PCDHGA9: variants seen among roughly 807,000 people sequenced by gnomAD.
PCDHGA9 encodes the protein protocadherin gamma subfamily A, 9.
PCDHGA9 carries 37 observed loss-of-function variants against 62.5 expected under a neutral mutation model. The ratio of observed to expected loss-of-function variants is 0.59; its 90% confidence interval spans 0.46 to 0.78. The LOEUF is 0.78. Ranked by LOEUF, PCDHGA9 falls within the 30% of genes least tolerant of loss-of-function variation. The pLI is 0.00. For missense variants in PCDHGA9, 1,138 were observed against 1,166.2 expected (o/e 0.98, Z 0.35); for synonymous variants, 459 against 484.6 (o/e 0.95, Z 0.69).
chr5:141,421,188 C>T lies in PCDHGA9; in HGVS notation c.2424+15812C>T, dbSNP rs1364019876. 2.0e-6 allele frequency: 3 copies of T among 1,471,410 alleles called. No individual in the cohort carries two copies. The South Asian group carries it at 4.0e-5, about 20-fold the overall frequency. The allele number at this position is 1,471,410 out of a possible 1,614,324, so 91.1% of individuals were successfully genotyped here. A position where few individuals can be genotyped will look rare whatever the true frequency, so the allele number is the denominator to read the frequency against. The stretch of plus-strand genomic sequence containing the variant: ...GATACATAAGCCGATTCACAACCAA[C>T]CAGCTCGAGAAACCGCGGAATATCG... On this transcript the variant is annotated intron_variant, in intron 1 of 3. Coordinates refer to ENST00000573521, the MANE Select transcript of PCDHGA9 (RefSeq NM_018921.3).
chr5:141,431,416 C>G lies in PCDHGA9; in HGVS notation c.2424+26040C>G, dbSNP rs778722151. 3 of 1,613,596 alleles carry G rather than the reference C, an allele frequency of 1.9e-6. No homozygotes were observed. The highest frequency in any genetic ancestry group is 2.7e-5 in the African/African-American group (2 of 74,954). On this transcript the variant is annotated intron_variant, in intron 1 of 3. Coordinates refer to ENST00000573521, the MANE Select transcript of PCDHGA9 (RefSeq NM_018921.3). The surrounding 1 kb of genome is among the most constrained non-coding windows in gnomAD (Gnocchi z 4.8). ...TCCTTACGGCCTCCGACGGGGGCGA[C>G]CCGGTGCGCACAGGCACCGCGCGCA...
At position 141,431,389 on chromosome 5, in the gene PCDHGA9, G is replaced by A; in HGVS notation, c.2424+26013G>A. 2 of 1,613,876 alleles carry A rather than the reference G, an allele frequency of 1.2e-6. No individual in the cohort carries two copies. The highest frequency in any genetic ancestry group is 1.7e-6 in the Non-Finnish European group (2 of 1,180,040). ...GCGAAGAAAAGGCTGCTCACCACCT[G>A]GTCCTTACGGCCTCCGACGGGGGCG... On this transcript the variant is annotated intron_variant, in intron 1 of 3. Coordinates refer to ENST00000573521, the MANE Select transcript of PCDHGA9 (RefSeq NM_018921.3). This position sits in a 1 kb window ranked among gnomAD's most constrained non-coding sequence, Gnocchi z 4.8.
At position 141,420,019 on chromosome 5, in the gene PCDHGA9, C is replaced by T. The variant is rs2096459006; in HGVS notation, c.2424+14643C>T. 13 of 1,614,072 alleles carry T rather than the reference C, an allele frequency of 8.1e-6. No homozygotes were observed. In the East Asian group the frequency reaches 2.7e-4, roughly 33 times the overall value. On this transcript the variant is annotated intron_variant, in intron 1 of 3. Coordinates refer to ENST00000573521, the MANE Select transcript of PCDHGA9 (RefSeq NM_018921.3). ...CTCTACGCCTGCGACAGTCTTTCAGCCCTACTGCAGGAGACTGCTTTGAGT... is the reference window on the plus strand; with the variant it reads ...CTCTACGCCTGCGACAGTCTTTCAGTCCTACTGCAGGAGACTGCTTTGAGT...
At chr5:141,441,782 G>T in intron 1 of PCDHGA9, 1 of 391,086 alleles carries the variant, frequency 2.6e-6, no homozygotes, top group East Asian at 8.8e-5. Context: ...TGGACGACCT[G>T]AATGACAACG....
chr5:141,459,044 A>T (rs2098959649), intron 1 of PCDHGA9, among the ~76,000 whole-genome samples: 1 of 152,204 alleles, frequency 6.6e-6, no homozygotes, highest in Non-Finnish European at 1.5e-5. Flanking sequence ...TACCAGCTAT[A>T]TTGAAGTATA....
chr5:141,444,900 T>C (rs997464788), intron 1 of PCDHGA9, among the ~76,000 whole-genome samples: 1 of 152,182 alleles, frequency 6.6e-6, no homozygotes, highest in Non-Finnish European at 1.5e-5. Context: ...TGGGATGGCA[T>C]TGCATCTATA....
In PCDHGA9 at chr5:141,423,562, A is replaced by G. The variant is rs374427537; in HGVS notation, c.2424+18186A>G. On this transcript the variant is annotated intron_variant, in intron 1 of 3. Coordinates refer to ENST00000573521, the MANE Select transcript of PCDHGA9 (RefSeq NM_018921.3). ...TTTCCCCCAGCCCAACTATGGGGAC[A>G]CGCTCATCAGCCAGGAGAGCTGTGA... is the stretch of plus-strand genomic sequence containing the variant. 7 of 1,613,498 alleles carry G rather than the reference A, an allele frequency of 4.3e-6. No homozygotes were observed. The African/African-American group carries it at 8.0e-5, about 18-fold the overall frequency.
intron 1 of PCDHGA9, chr5:141,423,279 C>T: frequency 1.9e-6 from 3 of 1,614,032 alleles, no homozygotes; most frequent in Non-Finnish European, 2.5e-6. Flanking sequence ...CTCTGGCTAA[C>T]TCTGAAACCT....
intron 1 of PCDHGA9, chr5:141,478,367 C>T (rs2099451272): frequency 1.2e-6 from 2 of 1,613,750 alleles, no homozygotes; most frequent in South Asian, 2.2e-5. Context: ...GCGGGGAGGC[C>T]TGATGTCGCC....
chr5:141,427,710 G>T, intron 1 of PCDHGA9: 2 of 1,033,628 alleles, frequency 1.9e-6, no homozygotes, highest in South Asian at 2.6e-5. Context: ...CAGCGCCTCT[G>T]ACCTGGACCT....
At chr5:141,488,564 G>T (rs1047904416) in intron 1 of PCDHGA9, among the ~76,000 whole-genome samples, 1 of 152,154 alleles carries the variant, frequency 6.6e-6, no homozygotes, top group African/African-American at 2.4e-5. Context: ...TGAGATTTCC[G>T]CAAAGCATTG....
chr5:141,438,807 G>A (rs956766683), intron 1 of PCDHGA9, among the ~76,000 whole-genome samples: 13 of 149,270 alleles, frequency 8.7e-5, no homozygotes, highest in African/African-American at 1.7e-4. Context: ...GATTACAGGC[G>A]CCTGTCACCA....
chr5:141,502,457 A>G lies in PCDHGA9; in HGVS notation c.2484-2936A>G, dbSNP rs950959171. 6.6e-5 allele frequency among the ~76,000 whole-genome samples: 10 copies of G among 151,926 alleles called. No individual in the cohort carries two copies. The South Asian group carries it at 1.7e-3, about 25-fold the overall frequency. On this transcript the variant is annotated intron_variant, in intron 2 of 3. Coordinates refer to ENST00000573521, the MANE Select transcript of PCDHGA9 (RefSeq NM_018921.3). The stretch of plus-strand genomic sequence containing the variant: ...TTAGATTCAGATTACACACCTTGGT[A>G]GGAATACTTCCCGCAGCATCACACT...
chr5:141,477,157 C>G lies in PCDHGA9; in HGVS notation c.2425-17650C>G. ...TGGTGGAGGTTGTGGATGTGAATGA[C>G]AACGCCCCGGAGATCACAGTCACCT... is the stretch of plus-strand genomic sequence containing the variant. On this transcript the variant is annotated intron_variant, in intron 1 of 3. Transcript: ENST00000573521. This position sits in a 1 kb window ranked among gnomAD's most constrained non-coding sequence, Gnocchi z 4.9. 1 of 1,614,182 alleles carries G rather than the reference C, an allele frequency of 6.2e-7. No individual in the cohort carries two copies. Among genetic ancestry groups the G allele is most frequent in the Non-Finnish European group, 8.5e-7 (1 of 1,180,038 alleles).
At chr5:141,430,752 A>C (rs772436100) in intron 1 of PCDHGA9, 1 of 1,501,400 alleles carries the variant, frequency 6.7e-7, no homozygotes, top group East Asian at 2.3e-5. Context: ...TTCTGGAGGA[A>C]GATAAGAATG....
intron 1 of PCDHGA9, among the ~76,000 whole-genome samples, chr5:141,460,958 T>C (rs182414946): frequency 8.2e-6 from 1 of 121,926 alleles, no homozygotes; most frequent in Non-Finnish European, 1.6e-5. Context: ...TATGTATATA[T>C]ATATGTGTGT....
At chr5:141,427,650 G>C (rs1352503291) in intron 1 of PCDHGA9, 1 of 718,312 alleles carries the variant, frequency 1.4e-6, no homozygotes. Flanking sequence ...AGTCTCCTAC[G>C]TGGTCCACGT....
Position 141,477,283 on chromosome 5 carries a change from C to T in PCDHGA9, c.2425-17524C>T, listed in dbSNP as rs766672047. The T allele has an allele frequency of 9.3e-6, 15 of 1,614,076 alleles. No homozygotes were observed. The highest frequency in any genetic ancestry group is 2.7e-5 in the African/African-American group (2 of 74,924). On this transcript the variant is annotated intron_variant, in intron 1 of 3. Coordinates refer to ENST00000573521, the MANE Select transcript of PCDHGA9 (RefSeq NM_018921.3). The surrounding 1 kb of genome is among the most constrained non-coding windows in gnomAD (Gnocchi z 4.9). ...CTGGCGAGAACGGGCTGGTGACCTG[C>T]GAAGTTCCACCGGGTCTCCCTTTCA... is the stretch of plus-strand genomic sequence containing the variant.
At chr5:141,419,436 G>T (rs756968644) in intron 1 of PCDHGA9, 1 of 1,613,144 alleles carries the variant, frequency 6.2e-7, no homozygotes, top group East Asian at 2.2e-5. Context: ...GAGCAGCTGC[G>T]CACCTTCGAG....
Sources: allele counts gnomAD v4.1 joint callset (sites outside exome capture counted in the v4.1 genomes callset), GRCh38; gene constraint gnomAD v4.1.1; non-coding constraint Gnocchi (gnomAD v3.1); transcripts MANE v1.5; gene names NCBI Gene and HGNC (gene_info 2026-07-23, HGNC 2026-07-21).